Variants in CRISP3 observed in about 807,000 individuals in gnomAD.
CRISP3 encodes cysteine rich secretory protein 3.
CRISP3 carries 33 observed loss-of-function variants against 36.1 expected under a neutral mutation model. The observed-to-expected ratio is 0.91, with a 90% CI of 0.69 to 1.22. The LOEUF is 1.22. CRISP3 is among the 50% of genes most tolerant of loss of function. The pLI, the probability that CRISP3 is intolerant of heterozygous loss-of-function variation, is 0.00. For synonymous variants in CRISP3, 117 were observed against 104.6 expected (o/e 1.12, Z -0.72); for missense variants, 330 against 301.2 (o/e 1.10, Z -0.71).
chr6:49,735,748 G>A (rs1769034356), intron 3 of CRISP3, among the ~76,000 whole-genome samples, 157 bp from the exon 4 acceptor site: 1 of 152,018 alleles, frequency 6.6e-6, no homozygotes, highest in Non-Finnish European at 1.5e-5. Context: ...TATTTTTTAT[G>A]TGCTTTTATC....
chr6:49,736,483 T>C lies in CRISP3; in HGVS notation c.136A>G (p.Thr46Ala). Reference sequence around the variant, plus strand: ...TCCCTTTGCACTTGTGTTTGGGTGGTTAACAAAGCAGTAAAAGCGGGATCC... The same window carrying C: ...TCCCTTTGCACTTGTGTTTGGGTGGCTAACAAAGCAGTAAAAGCGGGATCC... ...DKDPAFTALL[T>A]TQTQVQREIV... is the part of the protein sequence containing the mutation. Residue 46 changes from threonine (T) to alanine (A), a missense_variant, in exon 3 of 8, where the codon ACC (threonine) becomes GCC (alanine). Thr to Ala is a moderately conservative substitution (Grantham distance 58). Coordinates refer to ENST00000263045, the MANE Select transcript of CRISP3 (RefSeq NM_006061.4). The C allele has an allele frequency of 2.5e-6, 4 of 1,613,532 alleles. No homozygotes were observed. Among genetic ancestry groups the C allele is most frequent in the Non-Finnish European group, 3.4e-6 (4 of 1,179,540 alleles).
chr6:49,738,228 AG>A (rs1465342286), intron 1 of CRISP3, among the ~76,000 whole-genome samples: 2 of 152,194 alleles, frequency 1.3e-5, no homozygotes, highest in Non-Finnish European at 2.9e-5. Flanking sequence ...TATACTAAAA[AG>A]TTTTAAGCAT....
Position 49,728,511 on chromosome 6 carries a change from A to G in CRISP3, c.*219T>C, listed in dbSNP as rs1363877160. 3 of 341,518 alleles carry G rather than the reference A, an allele frequency of 8.8e-6. No homozygotes were observed. The highest frequency in any genetic ancestry group is 6.4e-5 in the African/African-American group (3 of 47,200). The allele number at this position is 341,518 out of a possible 1,614,324, so 21.2% of individuals were successfully genotyped here. On this transcript the variant is annotated 3_prime_UTR_variant, in exon 8 of 8. Transcript: ENST00000263045. Reference sequence around the variant, plus strand: ...TCACAAAGTTTATATATAAAAATCCAAAGTTGTTGTTATAGATTTTGTTTC... The same window carrying G: ...TCACAAAGTTTATATATAAAAATCCGAAGTTGTTGTTATAGATTTTGTTTC...
intron 1 of CRISP3, among the ~76,000 whole-genome samples, chr6:49,739,504 T>C (rs1012693636): frequency 1.3e-5 from 2 of 152,152 alleles, no homozygotes; most frequent in East Asian, 3.8e-4. Context: ...CAGTGATCCA[T>C]TCCAATGCTT....
rs1399726506 is a variant in CRISP3, at chr6:49,728,276, TG to T, written c.*453del. 1 of 152,408 alleles carries T rather than the reference TG, an allele frequency of 6.6e-6. No individual in the cohort carries two copies. 9.4% of individuals were successfully genotyped at this position (152,408 alleles called of 1,614,324 possible). On this transcript the variant is annotated 3_prime_UTR_variant, in exon 8 of 8. Transcript: ENST00000263045. ...GAGTGAAAAGAATTAAGACAGCATA[TG>T]GGAAAACGTCTTTGAAGATGCTTAG...
rs910688502 is a variant in CRISP3, at chr6:49,728,613, T to C, written c.*117A>G. 3.6e-5 allele frequency: 28 copies of C among 770,642 alleles called. 1 individual carries two copies. In the South Asian group the frequency reaches 6.4e-4, roughly 18 times the overall value. 47.7% of individuals were successfully genotyped at this position (770,642 alleles called of 1,614,324 possible). A position where few individuals can be genotyped will look rare whatever the true frequency, so the allele number is the denominator to read the frequency against. ...GAAGAAAAACATTTGAAATCAAATGTGTATCAAACATGCCTACAATTTCTC... is the reference window on the plus strand; with the variant it reads ...GAAGAAAAACATTTGAAATCAAATGCGTATCAAACATGCCTACAATTTCTC... On this transcript the variant is annotated 3_prime_UTR_variant, in exon 8 of 8. Coordinates refer to ENST00000263045, the MANE Select transcript of CRISP3 (RefSeq NM_006061.4).
intron 1 of CRISP3, among the ~76,000 whole-genome samples, chr6:49,743,501 C>T (rs1769258577): frequency 6.6e-6 from 1 of 152,136 alleles, no homozygotes; most frequent in African/African-American, 2.4e-5. Context: ...TGCAAATACT[C>T]CCAGAGTTTC....
At chr6:49,740,821 G>A (rs1278481432) in intron 1 of CRISP3, among the ~76,000 whole-genome samples, 1 of 152,104 alleles carries the variant, frequency 6.6e-6, no homozygotes, top group Admixed American at 6.6e-5. Context: ...CCTGTGTGGG[G>A]CTGGATGCGG....
intron 6 of CRISP3, among the ~76,000 whole-genome samples, chr6:49,731,843 T>A (rs1208800040): frequency 6.6e-6 from 1 of 152,064 alleles, no homozygotes; most frequent in Admixed American, 6.6e-5. Flanking sequence ...GGTTTGGGAA[T>A]GTCTACAGGT....
chr6:49,742,264 A>G (rs1056117355), intron 1 of CRISP3, among the ~76,000 whole-genome samples: 40 of 152,310 alleles, frequency 2.6e-4, no homozygotes, highest in Admixed American at 3.9e-4. Context: ...ATCAATCCTA[A>G]ACTAACCTGA....
chr6:49,741,215 T>C (rs1052404638), intron 1 of CRISP3, among the ~76,000 whole-genome samples: 3 of 150,898 alleles, frequency 2.0e-5, no homozygotes, highest in African/African-American at 7.3e-5. Flanking sequence ...AATAAGGTCA[T>C]GTGTGATAGC....
At chr6:49,742,339 AAAG>A (rs1769226241) in intron 1 of CRISP3, among the ~76,000 whole-genome samples, 1 of 152,210 alleles carries the variant, frequency 6.6e-6, no homozygotes. Flanking sequence ...TAAACTTTTA[AAAG>A]AAGAATTGCT....
At position 49,735,530 on chromosome 6, in the gene CRISP3, T is replaced by G. The variant is rs1315423830; in HGVS notation, c.290A>C (p.His97Pro). The G allele has an allele frequency of 1.2e-6, 2 of 1,612,202 alleles. No individual in the cohort carries two copies. Among genetic ancestry groups the G allele is most frequent in the African/African-American group, 1.3e-5 (1 of 74,890 alleles). Reference sequence around the variant, plus strand: ...TGTCATTCGATCCTTTGGGTTACTGTGTCTGTAATTGCACTGGTTTGCCCA... The same window carrying G: ...TGTCATTCGATCCTTTGGGTTACTGGGTCTGTAATTGCACTGGTTTGCCCA... ...QKWANQCNYRHSNPKDRMTSL... is the reference protein window; with the variant it reads ...QKWANQCNYRPSNPKDRMTSL... Residue 97 changes from histidine to proline, a missense_variant, in exon 4 of 8, where the codon CAC (histidine) becomes CCC (proline). His to Pro is a moderately conservative substitution (Grantham distance 77). Coordinates refer to ENST00000263045, the MANE Select transcript of CRISP3 (RefSeq NM_006061.4).
In CRISP3 at chr6:49,727,955, T is replaced by C. The variant is rs947691756; in HGVS notation, c.*775A>G. The stretch of plus-strand genomic sequence containing the variant: ...GTTTCCCTTTCCATACTCCACTCTT[T>C]GGAAGTGAGTCACTGATTTTAGTGA... On this transcript the variant is annotated 3_prime_UTR_variant, in exon 8 of 8. Transcript: ENST00000263045. 2.0e-5 allele frequency: 3 copies of C among 152,132 alleles called. No homozygotes were observed. The highest frequency in any genetic ancestry group is 4.4e-5 in the Non-Finnish European group (3 of 67,980). 9.4% of individuals were successfully genotyped at this position (152,132 alleles called of 1,614,324 possible). A position where few individuals can be genotyped will look rare whatever the true frequency, so the allele number is the denominator to read the frequency against.
chr6:49,739,746 T>C (rs1384419428), intron 1 of CRISP3, among the ~76,000 whole-genome samples: 3 of 150,516 alleles, frequency 2.0e-5, no homozygotes, highest in East Asian at 3.9e-4. Context: ...TAGCGTCACA[T>C]AGAAGGTACT....
chr6:49,738,185 T>A (rs1426191778), intron 1 of CRISP3, among the ~76,000 whole-genome samples: 1 of 152,202 alleles, frequency 6.6e-6, no homozygotes, highest in Non-Finnish European at 1.5e-5. Context: ...TCTCACTAAT[T>A]CAACTTCTTA....
intron 6 of CRISP3, among the ~76,000 whole-genome samples, chr6:49,732,485 T>G (rs1296571931): frequency 6.6e-6 from 1 of 152,128 alleles, no homozygotes; most frequent in Non-Finnish European, 1.5e-5. Flanking sequence ...CTTCAATATA[T>G]CCACAGATTT....
At chr6:49,730,546 C>A (rs1053035060) in intron 7 of CRISP3, among the ~76,000 whole-genome samples, 2 of 151,974 alleles carry the variant, frequency 1.3e-5, no homozygotes, top group African/African-American at 4.8e-5. Context: ...TAAAATAATG[C>A]TGTATTTTGT....
At chr6:49,733,112 TA>T (rs1768955007) in intron 6 of CRISP3, 82 bp downstream of exon 6, 2 of 785,268 alleles carry the variant, frequency 2.5e-6, no homozygotes, top group African/African-American at 3.7e-5. Flanking sequence ...CACCTTTACT[TA>T]AATATGCTTT....
Sources: gnomAD v4.1 joint callset for allele counts (sites outside exome capture counted in the v4.1 genomes callset) on GRCh38, gnomAD v4.1.1 for gene constraint, MANE v1.5 for transcripts, NCBI Gene and HGNC (gene_info 2026-07-23, HGNC 2026-07-21) for gene names.